LIN52: variants seen among roughly 807,000 people sequenced by gnomAD.
LIN52 encodes the protein lin-52 DREAM MuvB core complex component.
LIN52 carries 4 observed loss-of-function variants against 18.5 expected under a neutral mutation model. The observed-to-expected ratio is 0.22, with a 90% CI of 0.11 to 0.49. The LOEUF is 0.49. Ranked by LOEUF, LIN52 falls within the 20% of genes least tolerant of loss-of-function variation. The pLI, the probability that LIN52 is intolerant of heterozygous loss-of-function variation, is 0.97. For missense variants in LIN52, 102 were observed against 139.5 expected (o/e 0.73, Z 1.35); for synonymous variants, 34 against 45.5 (o/e 0.75, Z 1.02).
At chr14:74,184,379 G>A (rs1393688063) in intron 5 of LIN52, among the ~76,000 whole-genome samples, 1 of 152,232 alleles carries the variant, frequency 6.6e-6, no homozygotes, top group Non-Finnish European at 1.5e-5. Flanking sequence ...CACATTTTAA[G>A]TTTGGATAAT....
At chr14:74,118,027 T>C (rs2139917186) in intron 5 of LIN52, among the ~76,000 whole-genome samples, 1 of 152,374 alleles carries the variant, frequency 6.6e-6, no homozygotes, top group South Asian at 2.1e-4. Context: ...TAAGACTGAA[T>C]GGTTGGATAA....
At chr14:74,163,253 G>A (rs2061233983) in intron 5 of LIN52, among the ~76,000 whole-genome samples, 1 of 151,964 alleles carries the variant, frequency 6.6e-6, no homozygotes, top group African/African-American at 2.4e-5. Flanking sequence ...GCTAATTTTT[G>A]TATTTTTGTA....
At chr14:74,096,935 T>C (rs2060817893) in intron 3 of LIN52, among the ~76,000 whole-genome samples, 1 of 152,208 alleles carries the variant, frequency 6.6e-6, no homozygotes, top group Non-Finnish European at 1.5e-5. Flanking sequence ...CCCAGAGCTA[T>C]TCTAAGAATG....
At chr14:74,128,750 T>C (rs948614773) in intron 5 of LIN52, among the ~76,000 whole-genome samples, 3 of 152,146 alleles carry the variant, frequency 2.0e-5, no homozygotes, top group Non-Finnish European at 4.4e-5. Context: ...AAGTTCAGCC[T>C]GGCCAACATG....
intron 5 of LIN52, among the ~76,000 whole-genome samples, chr14:74,119,711 A>G (rs2060987622): frequency 6.6e-6 from 1 of 152,154 alleles, no homozygotes; most frequent in East Asian, 1.9e-4. Context: ...GCATTTCCTT[A>G]ATGACTAATG....
chr14:74,167,810 A>G (rs2061255895), intron 5 of LIN52, among the ~76,000 whole-genome samples: 3 of 152,228 alleles, frequency 2.0e-5, no homozygotes, highest in Non-Finnish European at 2.9e-5. Context: ...AACTAGGACC[A>G]CAGGTGTAAG....
At chr14:74,188,599 C>G (rs1251812500) in intron 5 of LIN52, among the ~76,000 whole-genome samples, 2 of 151,830 alleles carry the variant, frequency 1.3e-5, no homozygotes, top group Non-Finnish European at 2.9e-5. Context: ...GTAATGATAT[C>G]ACCGTAGCAG....
At chr14:74,105,533 C>G (rs923067222) in intron 5 of LIN52, among the ~76,000 whole-genome samples, 1 of 152,170 alleles carries the variant, frequency 6.6e-6, no homozygotes, top group South Asian at 2.1e-4. Flanking sequence ...TACATACAGT[C>G]TCTCTTTGTT....
At chr14:74,095,418 A>C (rs1194075429) in intron 2 of LIN52, among the ~76,000 whole-genome samples, 1 of 151,984 alleles carries the variant, frequency 6.6e-6, no homozygotes, top group East Asian at 1.9e-4. Context: ...TACAGGCATG[A>C]GCCACTGCAC....
At chr14:74,183,606 A>G (rs1478079175) in intron 5 of LIN52, among the ~76,000 whole-genome samples, 1 of 152,162 alleles carries the variant, frequency 6.6e-6, no homozygotes, top group African/African-American at 2.4e-5. Flanking sequence ...TATTATAGAA[A>G]ATTTTTAAGC....
intron 5 of LIN52, among the ~76,000 whole-genome samples, chr14:74,147,416 A>G (rs763975673): frequency 2.0e-5 from 3 of 152,228 alleles, no homozygotes; most frequent in African/African-American, 4.8e-5. Context: ...ATTTGGCAGT[A>G]GTTTCTTAGA....
At chr14:74,175,556 G>A (rs1180335933) in intron 5 of LIN52, among the ~76,000 whole-genome samples, 2 of 151,952 alleles carry the variant, frequency 1.3e-5, no homozygotes, top group African/African-American at 2.4e-5. Flanking sequence ...AATTAGCTGA[G>A]CATGGTACTG....
chr14:74,127,729 A>G (rs2061036613), intron 5 of LIN52, among the ~76,000 whole-genome samples: 1 of 152,124 alleles, frequency 6.6e-6, no homozygotes, highest in Non-Finnish European at 1.5e-5. Context: ...AGGACACAGA[A>G]TAAGTCTTTT....
intron 5 of LIN52, among the ~76,000 whole-genome samples, chr14:74,141,694 G>C (rs1013159060): frequency 2.0e-5 from 3 of 152,230 alleles, no homozygotes; most frequent in African/African-American, 7.2e-5. Context: ...TATGTGTAGT[G>C]ATATGCACCC....
At chr14:74,085,117 T>C in intron 1 of LIN52, 124 bp downstream of exon 1, 1 of 986,452 alleles carries the variant, frequency 1.0e-6, no homozygotes, top group Non-Finnish European at 1.4e-6. Flanking sequence ...CCCTTTTATT[T>C]TTTTTCTTGA....
intron 5 of LIN52, among the ~76,000 whole-genome samples, chr14:74,178,763 CT>C (rs1381000059): frequency 1.3e-5 from 2 of 151,740 alleles, no homozygotes; most frequent in African/African-American, 4.8e-5. Flanking sequence ...CCCAGGCTAG[CT>C]TTTGTAGTTC....
At chr14:74,161,107 C>T (rs1443443159) in intron 5 of LIN52, among the ~76,000 whole-genome samples, 1 of 152,168 alleles carries the variant, frequency 6.6e-6, no homozygotes, top group African/African-American at 2.4e-5. Context: ...ATTAGTATCA[C>T]ATTGTGTTTC....
At chr14:74,121,174 T>C (rs1465166559) in intron 5 of LIN52, among the ~76,000 whole-genome samples, 1 of 152,258 alleles carries the variant, frequency 6.6e-6, no homozygotes, top group African/African-American at 2.4e-5. Context: ...CAGCAGAGCA[T>C]TGACCTAAAT....
chr14:74,146,581 A>G (rs62005158), intron 5 of LIN52, among the ~76,000 whole-genome samples: 15,348 of 152,206 alleles, frequency 0.1, 848 homozygotes, highest in South Asian at 0.18. Context: ...AAAGACTTGA[A>G]TTCAGGTACT....
Sources: allele counts gnomAD v4.1 joint callset (sites outside exome capture counted in the v4.1 genomes callset), GRCh38; gene constraint gnomAD v4.1.1; transcripts MANE v1.5; gene names NCBI Gene and HGNC (gene_info 2026-07-23, HGNC 2026-07-21).